HIF1A: variants seen among roughly 807,000 people sequenced by gnomAD.
HIF1A encodes the protein hypoxia inducible factor 1 subunit alpha.
In HIF1A, 24 loss-of-function variants were observed where a neutral mutation model predicts 92.7. The observed-to-expected ratio is 0.26, with a 90% CI of 0.19 to 0.36. The LOEUF is 0.36. HIF1A is among the 10% of genes least tolerant of loss of function. The pLI, the probability that HIF1A is intolerant of heterozygous loss-of-function variation, is 1.00. For missense variants in HIF1A, 799 were observed against 998.5 expected, an observed-to-expected ratio of 0.80 and a Z score of 2.69; for synonymous variants, 319 against 338.7, an observed-to-expected ratio of 0.94 and a Z score of 0.64.
chr14:61,710,758 C>T (rs557157802), intron 1 of HIF1A, among the ~76,000 whole-genome samples: 2 of 151,572 alleles, frequency 1.3e-5, no homozygotes, highest in Non-Finnish European at 1.5e-5. Context: ...TAAAAGTAAC[C>T]CTCCTTAAAA....
At chr14:61,710,099 CAG>C (rs920915168) in intron 1 of HIF1A, among the ~76,000 whole-genome samples, 2 of 152,060 alleles carry the variant, frequency 1.3e-5, no homozygotes, top group African/African-American at 4.8e-5. Flanking sequence ...ACATTACACA[CAG>C]GAGTGGAATC....
intron 1 of HIF1A, among the ~76,000 whole-genome samples, chr14:61,696,390 T>C (rs2044116514): frequency 6.6e-6 from 1 of 152,228 alleles, no homozygotes; most frequent in East Asian, 1.9e-4. Flanking sequence ...TCGGATGCGA[T>C]CTTGTCCTGT....
Position 61,721,658 on chromosome 14 carries a change from A to T in HIF1A, c.372+4A>T. 1 of 1,612,402 alleles carries T rather than the reference A, an allele frequency of 6.2e-7. No individual in the cohort carries two copies. Among genetic ancestry groups the T allele is most frequent in the Non-Finnish European group, 8.5e-7 (1 of 1,178,680 alleles). On this transcript the variant is annotated splice_donor_region_variant and intron_variant, in intron 3 of 14. Transcript: ENST00000337138. ...CAAATACATGGGATTAACTCAGGTA[A>T]AATGCACACATATTAAGAGCTCTTC...
At chr14:61,696,219 G>T (rs2044113870) in intron 1 of HIF1A, among the ~76,000 whole-genome samples, 1 of 152,252 alleles carries the variant, frequency 6.6e-6, no homozygotes, top group South Asian at 2.1e-4. Flanking sequence ...GAAATGAGCT[G>T]CAGCTCGGTA....
rs949034822 is a variant in HIF1A at position 61,747,237 on chromosome 14, A to G, written c.*152A>G. 5.7e-6 allele frequency: 3 copies of G among 528,682 alleles called. No homozygotes were observed. The highest frequency in any genetic ancestry group is 9.8e-6 in the Non-Finnish European group (3 of 307,312). 32.7% of individuals were successfully genotyped at this position (528,682 alleles called of 1,614,324 possible). A position where few individuals can be genotyped will look rare whatever the true frequency, so the allele number is the denominator to read the frequency against. On this transcript the variant is annotated 3_prime_UTR_variant, in exon 15 of 15. Transcript: ENST00000337138. ...TTTTGATCCCCTTTCTACTTAATTT[A>G]CATTAATGCTCTTTTTTAGTATGTT...
chr14:61,728,960 A>T (rs2044540928), intron 6 of HIF1A, among the ~76,000 whole-genome samples: 1 of 152,182 alleles, frequency 6.6e-6, no homozygotes, highest in Non-Finnish European at 1.5e-5. Flanking sequence ...TATCAAAAGA[A>T]GATGTGTATT....
intron 1 of HIF1A, among the ~76,000 whole-genome samples, chr14:61,713,712 AT>A (rs2044332474): frequency 6.6e-6 from 1 of 152,146 alleles, no homozygotes; most frequent in Non-Finnish European, 1.5e-5. Flanking sequence ...ACTGGTAAAC[AT>A]GTTTCCCTGA....
In HIF1A at chr14:61,740,832, G is replaced by A. The variant is rs574603732; in HGVS notation, c.1737G>A (p.Gln579=). ...ACTTCCAGTTACGTTCCTTCGATCAGTTGTCACCATTAGAAAGCAGTTCCG... is the reference window on the plus strand; with the variant it reads ...ACTTCCAGTTACGTTCCTTCGATCAATTGTCACCATTAGAAAGCAGTTCCG... ...DDDFQLRSFD[Q]LSPLESSSAS... Residue 579 remains glutamine (Q), a synonymous_variant, in exon 12 of 15, where the codon CAG becomes CAA. Transcript: ENST00000337138. 11 of 1,614,108 alleles carry A rather than the reference G, an allele frequency of 6.8e-6. No individual in the cohort carries two copies. In the South Asian group the frequency reaches 1.1e-4, roughly 16 times the overall value.
chr14:61,709,508 A>G (rs994100058), intron 1 of HIF1A, among the ~76,000 whole-genome samples: 1 of 152,116 alleles, frequency 6.6e-6, no homozygotes, highest in Admixed American at 6.5e-5. Context: ...ACTGCATTAG[A>G]AAATCACATT....
intron 1 of HIF1A, among the ~76,000 whole-genome samples, chr14:61,704,094 G>T (rs1330209637): frequency 6.6e-6 from 1 of 152,172 alleles, no homozygotes; most frequent in Admixed American, 6.5e-5. Flanking sequence ...TTATAGGATT[G>T]TTATGAGAAT....
chr14:61,702,457 AT>A (rs945772880), intron 1 of HIF1A, among the ~76,000 whole-genome samples: 6 of 148,746 alleles, frequency 4.0e-5, no homozygotes, highest in African/African-American at 1.5e-4. Context: ...AAAAAAAAAA[AT>A]TAAAAAGAAT....
rs1485933934 is a variant in HIF1A at position 61,727,444 on chromosome 14, C to T, written c.571-9C>T. 1.3e-6 allele frequency: 2 copies of T among 1,597,950 alleles called. No homozygotes were observed. The highest frequency in any genetic ancestry group is 1.7e-6 in the Non-Finnish European group (2 of 1,165,966). On this transcript the variant is annotated splice_polypyrimidine_tract_variant and intron_variant, in intron 5 of 14. Coordinates refer to ENST00000337138, the MANE Select transcript of HIF1A (RefSeq NM_001530.4). ...TATTTTTTTTAACTGCTTTGTTCTT[C>T]ATACACAGGTATTGCACTGCACAGG...
Position 61,718,213 on chromosome 14 carries a change from G to A in HIF1A, c.36-2169G>A, listed in dbSNP as rs376801622. On this transcript the variant is annotated intron_variant, in intron 1 of 14. Coordinates refer to ENST00000337138, the MANE Select transcript of HIF1A (RefSeq NM_001530.4). ...CAAGCCTGTAATTTGAGCCCTTTGT[G>A]AGGCTGAGGCAGGAGAATTGCTTGA... 1.0e-3 allele frequency among the ~76,000 whole-genome samples: 159 copies of A among 152,282 alleles called. 3 individuals carry two copies. In the South Asian group the frequency reaches 0.032, roughly 31 times the overall value.
chr14:61,734,010 A>C, intron 7 of HIF1A, 128 bp from the exon 8 acceptor site: 1 of 622,658 alleles, frequency 1.6e-6, no homozygotes. Context: ...GTAAGCAGTT[A>C]CAACTGATTC....
At position 61,727,669 on chromosome 14, in the gene HIF1A, A is replaced by G. The variant is rs2140143015; in HGVS notation, c.773+14A>G. 6.4e-7 allele frequency: 1 copy of G among 1,573,026 alleles called. No homozygotes were observed. Among genetic ancestry groups the G allele is most frequent in the African/African-American group, 1.3e-5 (1 of 74,126 alleles). ...TTGTGATGAAAGGTAAATTAGATCT[A>G]AAATGTGAATTTGAAATTTTTAATT... is the stretch of plus-strand genomic sequence containing the variant. On this transcript the variant is annotated intron_variant, in intron 6 of 14. Coordinates refer to ENST00000337138, the MANE Select transcript of HIF1A (RefSeq NM_001530.4).
At chr14:61,746,393 T>TTTC (rs2044789260) in intron 14 of HIF1A, among the ~76,000 whole-genome samples, 1 of 33,288 alleles carries the variant, frequency 3.0e-5, no homozygotes, top group Non-Finnish European at 1.3e-4. Flanking sequence ...TTATGACTTC[T>TTTC]TTTTTTTTTT....
intron 10 of HIF1A, chr14:61,740,298 C>G: frequency 2.8e-6 from 1 of 357,236 alleles, no homozygotes; most frequent in South Asian, 4.4e-5. Flanking sequence ...ATCTCTTGAC[C>G]TCATTATCCC....
At position 61,717,583 on chromosome 14, in the gene HIF1A, T is replaced by C. The variant is rs572964475; in HGVS notation, c.36-2799T>C. ...ACTAGCTTTTAAATATACTGTCCTT[T>C]AGATGCTTTATCTAACCTCAAATTT... On this transcript the variant is annotated intron_variant, in intron 1 of 14. Coordinates refer to ENST00000337138, the MANE Select transcript of HIF1A (RefSeq NM_001530.4). 1.7e-3 allele frequency among the ~76,000 whole-genome samples: 257 copies of C among 152,336 alleles called. 1 individual carries two copies. The highest frequency in any genetic ancestry group is 3.4e-3 in the Middle Eastern group (1 of 294).
chr14:61,747,434 G>A lies in HIF1A; in HGVS notation c.*349G>A, dbSNP rs2044807746. 6.2e-6 allele frequency: 1 copy of A among 160,908 alleles called. No homozygotes were observed. Among genetic ancestry groups the A allele is most frequent in the African/African-American group, 2.4e-5 (1 of 41,710 alleles). The allele number at this position is 160,908 out of a possible 1,614,324, so 10.0% of individuals were successfully genotyped here. A position where few individuals can be genotyped will look rare whatever the true frequency, so the allele number is the denominator to read the frequency against. On this transcript the variant is annotated 3_prime_UTR_variant, in exon 15 of 15. Coordinates refer to ENST00000337138, the MANE Select transcript of HIF1A (RefSeq NM_001530.4). ...GAAGATGCCAATATAATTTTTGTAA[G>A]AAGGCAGTAACCTTTCATCATGATC...
Sources: allele counts gnomAD v4.1 joint callset (sites outside exome capture counted in the v4.1 genomes callset), GRCh38; gene constraint gnomAD v4.1.1; transcripts MANE v1.5; gene names NCBI Gene and HGNC (gene_info 2026-07-23, HGNC 2026-07-21).